APOBEC3D: variants seen among roughly 807,000 people sequenced by gnomAD.
The protein encoded by APOBEC3D is apolipoprotein B mRNA editing enzyme catalytic subunit 3D, also known as DNA dC->dU-editing enzyme APOBEC-3D.
Under a neutral mutation model 45.6 loss-of-function variants are expected in APOBEC3D, and 37 were observed. The ratio of observed to expected loss-of-function variants is 0.81; its 90% CI spans 0.62 to 1.07. The LOEUF (loss-of-function observed/expected upper bound fraction) is 1.07, where lower values mean the gene tolerates loss of function less well. Among genes scored for constraint, APOBEC3D ranks in the 50% least tolerant of loss-of-function variants. The probability of loss-of-function intolerance (pLI) is 0.00; values close to 1 mark genes in which losing one functional copy is unlikely to be tolerated. For missense variants in APOBEC3D, 496 were observed against 495.3 expected, an observed-to-expected ratio of 1.00 and a Z score of -0.01; for synonymous variants, 175 against 180.7, an observed-to-expected ratio of 0.97 and a Z score of 0.25.
rs201378161 is a variant in APOBEC3D at position 39,032,247 on chromosome 22, C to G, written c.1092C>G (p.Phe364Leu). 4 of 1,614,192 alleles carry G rather than the reference C, an allele frequency of 2.5e-6. No homozygotes were observed. In the African/African-American group the frequency reaches 4.0e-5, roughly 16 times the overall value. Residue 364 changes from phenylalanine to leucine, a missense_variant, in exon 7 of 7, where the codon TTC (phenylalanine) becomes TTG (leucine). Transcript: ENST00000216099. ...TTGTGTACAGTGATGATGAGCCATTCAAGCCTTGGAAGGGACTACAAACCA... is the reference window on the plus strand; with the variant it reads ...TTGTGTACAGTGATGATGAGCCATTGAAGCCTTGGAAGGGACTACAAACCA... ...KNFVYSDDEP[F>L]KPWKGLQTNF...
intron 5 of APOBEC3D, 109 bp downstream of exon 5, chr22:39,029,628 C>A: frequency 5.7e-6 from 7 of 1,232,176 alleles, no homozygotes; most frequent in Non-Finnish European, 7.6e-6. Context: ...GTACTTTCCT[C>A]TTACATTTCT....
In APOBEC3D at chr22:39,021,253, G is replaced by A. The variant is rs1179500471; in HGVS notation, c.-267G>A. 2 of 402,284 alleles carry A rather than the reference G, an allele frequency of 5.0e-6. No homozygotes were observed. Among genetic ancestry groups the A allele is most frequent in the Admixed American group, 3.6e-5 (1 of 28,076 alleles). 24.9% of individuals were successfully genotyped at this position (402,284 alleles called of 1,614,324 possible). On this transcript the variant is annotated 5_prime_UTR_variant, in exon 1 of 7. Coordinates refer to ENST00000216099, the MANE Select transcript of APOBEC3D (RefSeq NM_152426.4). ...CTCCAGAGTAGCTGGGATTACAGGCGCACGTCACCACACCTGGCTAATTTT... is the reference window on the plus strand; with the variant it reads ...CTCCAGAGTAGCTGGGATTACAGGCACACGTCACCACACCTGGCTAATTTT...
chr22:39,026,607 C>T (rs1339491037), intron 4 of APOBEC3D, among the ~76,000 whole-genome samples: 2 of 152,190 alleles, frequency 1.3e-5, no homozygotes, highest in African/African-American at 2.4e-5. Context: ...CAGCCCCTCC[C>T]TCCAGACCAT....
chr22:39,029,633 AT>A, intron 5 of APOBEC3D, 114 bp downstream of exon 5: 1 of 1,194,732 alleles, frequency 8.4e-7, no homozygotes, highest in Non-Finnish European at 1.1e-6. Flanking sequence ...TTCCTCTTAC[AT>A]TTCTTTCTTT....
Position 39,032,425 on chromosome 22 carries a change from C to T in APOBEC3D, c.*109C>T. The stretch of plus-strand genomic sequence containing the variant: ...TGCTTTTGCCTGGTCATCCTGAGCC[C>T]CTCCTGGCCTCAGGGCCATTCCATA... On this transcript the variant is annotated 3_prime_UTR_variant, in exon 7 of 7. Coordinates refer to ENST00000216099, the MANE Select transcript of APOBEC3D (RefSeq NM_152426.4). The T allele has an allele frequency of 3.3e-6, 5 of 1,534,946 alleles. No homozygotes were observed. In the South Asian group the frequency reaches 5.1e-5, roughly 16 times the overall value.
Position 39,025,240 on chromosome 22 carries a change from CCT to C in APOBEC3D, c.382_383del (p.Leu128AspfsTer13), listed in dbSNP as rs1197577624. The C allele has an allele frequency of 6.2e-7, 1 of 1,614,044 alleles. No homozygotes were observed. Among genetic ancestry groups the C allele is most frequent in the East Asian group, 2.2e-5 (1 of 44,872 alleles). ...TCTTGGCTGAGCACCCCAATGTCAC[CCT>C]GACCATCTCTGCCGCCCGCCTCTAC... The part of the protein sequence containing the change: ...KFLAEHPNVT[L>X]TISAARLYYY... On this transcript the variant is annotated frameshift_variant, in exon 3 of 7. Transcript: ENST00000216099. LOFTEE classifies it high-confidence loss of function.
At chr22:39,023,446 TTTC>T (rs1438193851) in intron 2 of APOBEC3D, among the ~76,000 whole-genome samples, 2 of 131,456 alleles carry the variant, frequency 1.5e-5, no homozygotes, top group Non-Finnish European at 3.5e-5. Flanking sequence ...CTTTTCTTTC[TTTC>T]TTTTTTTTTT....
In APOBEC3D at chr22:39,031,815, AG is replaced by A. The variant is rs757706629; in HGVS notation, c.885del (p.Glu295AspfsTer16). The A allele has an allele frequency of 1.2e-6, 2 of 1,614,000 alleles. No homozygotes were observed. Among genetic ancestry groups the A allele is most frequent in the African/African-American group, 2.7e-5 (2 of 74,896 alleles). ...TWYTSWSPCP[E>X]CAGEVAEFLA... Reference sequence around the variant, plus strand: ...TACACATCTTGGAGCCCTTGCCCAGAGTGTGCAGGGGAGGTGGCCGAGTTCC... The same window carrying A: ...TACACATCTTGGAGCCCTTGCCCAGATGTGCAGGGGAGGTGGCCGAGTTCC... On this transcript the variant is annotated frameshift_variant, in exon 6 of 7. Transcript: ENST00000216099. LOFTEE classifies it high-confidence loss of function.
At chr22:39,029,266 G>T in intron 4 of APOBEC3D, 97 bp from the exon 5 acceptor site, 1 of 1,378,026 alleles carries the variant, frequency 7.3e-7, no homozygotes. Context: ...TGGAGGGATG[G>T]GAGAGGCCCA....
chr22:39,025,005 G>GCCCCCCC, intron 2 of APOBEC3D, 65 bp from the exon 3 acceptor site: 1 of 336,174 alleles, frequency 3.0e-6, no homozygotes. Context: ...TCCTCCCCCT[G>GCCCCCCC]CCCCACCCCG....
Position 39,025,682 on chromosome 22 carries a change from C to A in APOBEC3D, c.605+11C>A. Reference sequence around the variant, plus strand: ...AAAGGAGATTCTCAGGTGAGGGTCTCCCTCTGGCCTCATCGTCTCTCTCCT... The same window carrying A: ...AAAGGAGATTCTCAGGTGAGGGTCTACCTCTGGCCTCATCGTCTCTCTCCT... On this transcript the variant is annotated intron_variant, in intron 4 of 6. Transcript: ENST00000216099. 6.2e-7 allele frequency: 1 copy of A among 1,614,010 alleles called. No homozygotes were observed. Among genetic ancestry groups the A allele is most frequent in the Admixed American group, 1.7e-5 (1 of 60,002 alleles).
At chr22:39,022,629 A>C (rs1164977324) in intron 1 of APOBEC3D, among the ~76,000 whole-genome samples, 193 bp from the exon 2 acceptor site, 1 of 152,104 alleles carries the variant, frequency 6.6e-6, no homozygotes, top group Non-Finnish European at 1.5e-5. Flanking sequence ...AGATCACCCC[A>C]GCCCCCCTGC....
In APOBEC3D at chr22:39,029,433, C is replaced by G. The variant is rs200308570; in HGVS notation, c.676C>G (p.Arg226Gly). 13 of 1,614,166 alleles carry G rather than the reference C, an allele frequency of 8.1e-6. No individual in the cohort carries two copies. Among genetic ancestry groups the G allele is most frequent in the Non-Finnish European group, 9.3e-6 (11 of 1,180,046 alleles). The part of the protein sequence containing the change: ...HFKNLLKACG[R>G]NESWLCFTME... ...TAAAAACCTACTGAAAGCCTGTGGT[C>G]GGAACGAAAGCTGGCTGTGCTTCAC... The change falls in exon 5 of 7, where the codon CGG (arginine) becomes GGG (glycine). Residue 226 changes from arginine to glycine, a missense_variant. Transcript: ENST00000216099.
chr22:39,025,737 C>A (rs1057330058), intron 4 of APOBEC3D, 66 bp downstream of exon 4: 1 of 1,607,386 alleles, frequency 6.2e-7, no homozygotes. Context: ...CCTGAGGACT[C>A]CCCTGGCTGG....
intron 3 of APOBEC3D, 100 bp from the exon 4 acceptor site, chr22:39,025,457 G>A: frequency 1.2e-6 from 2 of 1,613,848 alleles, no homozygotes; most frequent in Non-Finnish European, 1.7e-6. Context: ...TGCAGGGGTG[G>A]GGCTGGCACT....
chr22:39,025,890 A>G (rs1036617553), intron 4 of APOBEC3D, among the ~76,000 whole-genome samples: 2 of 151,746 alleles, frequency 1.3e-5, no homozygotes, highest in Non-Finnish European at 2.9e-5. Context: ...TTCTGCCTCC[A>G]GAGCGACCTC....
At chr22:39,031,658 T>C (rs1416160762) in intron 5 of APOBEC3D, 36 bp from the exon 6 acceptor site, 1 of 1,609,298 alleles carries the variant, frequency 6.2e-7, no homozygotes, top group African/African-American at 1.3e-5. Flanking sequence ...GCTCCTGGTC[T>C]GAGCTCCCCC....
intron 4 of APOBEC3D, among the ~76,000 whole-genome samples, chr22:39,026,521 G>A (rs780707682): frequency 1.3e-5 from 2 of 152,206 alleles, no homozygotes; most frequent in African/African-American, 2.4e-5. Context: ...GGGGGCTTGG[G>A]TCAAGCTTGG....
intron 1 of APOBEC3D, 142 bp downstream of exon 1, chr22:39,021,678 A>T: frequency 8.4e-7 from 1 of 1,186,954 alleles, no homozygotes; most frequent in Non-Finnish European, 1.2e-6. Context: ...CCCCACTCCC[A>T]GCCAGACTCC....
Sources: gnomAD v4.1 joint callset for allele counts (sites outside exome capture counted in the v4.1 genomes callset) on GRCh38, gnomAD v4.1.1 for gene constraint, MANE v1.5 for transcripts, NCBI Gene and HGNC (gene_info 2026-07-23, HGNC 2026-07-21) for gene names.